The following BACH2 variants were observed in gnomAD, a reference collection of about 807,000 sequenced individuals.
BACH2 encodes BACH transcriptional regulator 2.
In BACH2, 5 loss-of-function variants were observed where a neutral mutation model predicts 61.8. The observed-to-expected ratio is 0.08, with a 90% CI of 0.04 to 0.17. BACH2 has a LOEUF of 0.17. BACH2 is among the 10% of genes least tolerant of loss of function. The probability of loss-of-function intolerance (pLI) is 1.00; values close to 1 mark genes in which losing one functional copy is unlikely to be tolerated. For synonymous variants in BACH2, 446 were observed against 440.1 expected (o/e 1.01, Z -0.17); for missense variants, 824 against 1,091.1 (o/e 0.76, Z 3.45).
Position 90,294,655 on chromosome 6 carries a change from C to T in BACH2, c.-446+1825G>A, listed in dbSNP as rs184798760. On this transcript the variant is annotated intron_variant, in intron 1 of 8. Transcript: ENST00000257749. ...TCATTTTGACTCACGTTTATTATTA[C>T]CTGCAAGAATGAAAAACGCCGTTTA... 1.8e-3 allele frequency among the ~76,000 whole-genome samples: 274 copies of T among 152,172 alleles called. 1 individual carries two copies. The highest frequency in any genetic ancestry group is 5.7e-3 in the African/African-American group (236 of 41,540).
intron 4 of BACH2, among the ~76,000 whole-genome samples, chr6:90,140,508 G>A (rs2127826492): frequency 6.6e-6 from 1 of 152,232 alleles, no homozygotes; most frequent in East Asian, 1.9e-4. Flanking sequence ...AAGACACAGG[G>A]ATACTTTCTA....
Position 90,142,024 on chromosome 6 carries a change from T to C in BACH2, c.-161-52915A>G, listed in dbSNP as rs572989536. Among the ~76,000 whole-genome samples the C allele has an allele frequency of 3.9e-5, 6 of 152,366 alleles. No homozygotes were observed. In the South Asian group the frequency reaches 1.2e-3, roughly 32 times the overall value. The stretch of plus-strand genomic sequence containing the variant: ...GAACCCATGAGGTCGAGGTTATAAG[T>C]GAGCTGAGATTGCACCACTGCACTT... On this transcript the variant is annotated intron_variant, in intron 4 of 8. Coordinates refer to ENST00000257749, the MANE Select transcript of BACH2 (RefSeq NM_021813.4).
intron 5 of BACH2, among the ~76,000 whole-genome samples, chr6:90,020,116 A>G (rs1335356109): frequency 3.9e-5 from 6 of 152,164 alleles, no homozygotes; most frequent in African/African-American, 1.4e-4. Context: ...TCTTTATGCC[A>G]TGTCAGTATT....
rs970887827 is a variant in BACH2, at chr6:89,929,076, T to A, written c.*3332A>T. 1 of 148,674 alleles carries A rather than the reference T, an allele frequency of 6.7e-6. No homozygotes were observed. The highest frequency in any genetic ancestry group is 1.5e-5 in the Non-Finnish European group (1 of 66,860). The allele number at this position is 148,674 out of a possible 1,614,324, so 9.2% of individuals were successfully genotyped here. A position where few individuals can be genotyped will look rare whatever the true frequency, so the allele number is the denominator to read the frequency against. ...ATCCAAGGGGAGGACTGGATTTAGGTGGGATGTTCATTAGTCTCAGGGTCA... is the reference window on the plus strand; with the variant it reads ...ATCCAAGGGGAGGACTGGATTTAGGAGGGATGTTCATTAGTCTCAGGGTCA... On this transcript the variant is annotated 3_prime_UTR_variant, in exon 9 of 9. Coordinates refer to ENST00000257749, the MANE Select transcript of BACH2 (RefSeq NM_021813.4).
intron 4 of BACH2, among the ~76,000 whole-genome samples, chr6:90,115,285 T>C (rs1351381482): frequency 5.3e-5 from 8 of 152,076 alleles, no homozygotes; most frequent in East Asian, 1.9e-4. Flanking sequence ...TATAAGGCTA[T>C]AGTGACCAAA....
At chr6:90,211,007 T>C (rs2127851380) in intron 3 of BACH2, among the ~76,000 whole-genome samples, 1 of 150,894 alleles carries the variant, frequency 6.6e-6, no homozygotes, top group Admixed American at 6.6e-5. Flanking sequence ...ATACAAAAAT[T>C]AGCTGGGCAT....
intron 6 of BACH2, among the ~76,000 whole-genome samples, chr6:89,981,840 A>T (rs1172277155): frequency 6.6e-6 from 1 of 152,168 alleles, no homozygotes; most frequent in Non-Finnish European, 1.5e-5. Flanking sequence ...AATGCAATAT[A>T]TTATTTGACA....
intron 5 of BACH2, among the ~76,000 whole-genome samples, chr6:90,042,594 CT>C (rs1050566959): frequency 4.8e-4 from 73 of 152,262 alleles, no homozygotes; most frequent in African/African-American, 1.6e-3. Context: ...GGGTCTCTGT[CT>C]TTCCATCAGT....
chr6:90,055,560 T>C (rs910630120), intron 5 of BACH2, among the ~76,000 whole-genome samples: 1 of 151,658 alleles, frequency 6.6e-6, no homozygotes, highest in African/African-American at 2.4e-5. Flanking sequence ...CAGGATATTA[T>C]CCAGGAGAAC....
chr6:90,014,992 G>A (rs1277896946), intron 5 of BACH2, among the ~76,000 whole-genome samples: 3 of 150,190 alleles, frequency 2.0e-5, no homozygotes, highest in African/African-American at 7.4e-5. Context: ...TGATACCCAG[G>A]CTGGTCTTCA....
chr6:89,955,922 TA>T (rs932546942), intron 6 of BACH2, among the ~76,000 whole-genome samples: 11 of 152,136 alleles, frequency 7.2e-5, no homozygotes, highest in African/African-American at 2.4e-4. Context: ...TAACAACTCA[TA>T]AAATGGTATT....
intron 7 of BACH2, among the ~76,000 whole-genome samples, chr6:89,944,713 C>A (rs932042686): frequency 6.6e-6 from 1 of 151,614 alleles, no homozygotes; most frequent in Non-Finnish European, 1.5e-5. Context: ...CCTGCCTGCC[C>A]CCAACACACT....
At chr6:89,946,486 C>T (rs1049472017) in intron 7 of BACH2, among the ~76,000 whole-genome samples, 12 of 152,214 alleles carry the variant, frequency 7.9e-5, no homozygotes, top group African/African-American at 2.9e-4. Context: ...TGCACCACTA[C>T]TAACAGTAGG....
At chr6:90,195,891 C>T (rs1768741462) in intron 4 of BACH2, among the ~76,000 whole-genome samples, 1 of 152,160 alleles carries the variant, frequency 6.6e-6, no homozygotes, top group African/African-American at 2.4e-5. Flanking sequence ...AAACAAGCAA[C>T]ATAAAGAGAA....
intron 4 of BACH2, among the ~76,000 whole-genome samples, chr6:90,115,449 G>A (rs1272986105): frequency 6.6e-6 from 1 of 152,040 alleles, no homozygotes; most frequent in Non-Finnish European, 1.5e-5. Context: ...AATGGTGCTG[G>A]GATAACTGGC....
intron 4 of BACH2, among the ~76,000 whole-genome samples, chr6:90,173,967 G>A (rs1051568358): frequency 5.9e-5 from 9 of 152,146 alleles, no homozygotes; most frequent in Non-Finnish European, 1.3e-4. Flanking sequence ...GAAATCTGGT[G>A]TAGCTAAATT....
chr6:90,075,219 T>G (rs1447358455), intron 5 of BACH2, among the ~76,000 whole-genome samples: 1 of 152,110 alleles, frequency 6.6e-6, no homozygotes, highest in Non-Finnish European at 1.5e-5. Context: ...TTTTAGTGAG[T>G]TTATGTAGGG....
chr6:90,053,531 G>C (rs1322295365), intron 5 of BACH2, among the ~76,000 whole-genome samples: 1 of 152,054 alleles, frequency 6.6e-6, no homozygotes, highest in Non-Finnish European at 1.5e-5. Context: ...TTCCTGGCTT[G>C]ACCTCCCAAA....
chr6:89,957,167 G>A (rs766476832), intron 6 of BACH2, among the ~76,000 whole-genome samples: 3 of 152,116 alleles, frequency 2.0e-5, no homozygotes, highest in Non-Finnish European at 4.4e-5. Flanking sequence ...AAGCAATGCT[G>A]GTGACAATTA....
Sources: allele counts gnomAD v4.1 joint callset (sites outside exome capture counted in the v4.1 genomes callset), GRCh38; gene constraint gnomAD v4.1.1; transcripts MANE v1.5; gene names NCBI Gene and HGNC (gene_info 2026-07-23, HGNC 2026-07-21).